DYNC2H1: variants seen among roughly 807,000 people sequenced by gnomAD.
DYNC2H1 encodes cytoplasmic dynein 2 heavy chain 1.
In DYNC2H1, 410 loss-of-function variants were observed where a neutral mutation model predicts 570.0. That is an observed-to-expected ratio of 0.72 (90% confidence interval 0.66 to 0.78). The LOEUF is 0.78. Among genes scored for constraint, DYNC2H1 ranks in the 30% least tolerant of loss-of-function variants. The probability of loss-of-function intolerance (pLI) is 0.00; values close to 1 mark genes in which losing one functional copy is unlikely to be tolerated. For synonymous variants in DYNC2H1, 1,688 were observed against 1,677.6 expected, an observed-to-expected ratio of 1.01 and a Z score of -0.15; for missense variants, 4,865 against 5,046.4, an observed-to-expected ratio of 0.96 and a Z score of 1.09.
intron 87 of DYNC2H1, among the ~76,000 whole-genome samples, chr11:103,460,572 T>TG (rs35587557): frequency 0.16 from 24,507 of 151,420 alleles, 2,161 homozygotes; most frequent in Admixed American, 0.24. Context: ...AAGCAATTAA[T>TG]GGGGCAGTCT....
chr11:103,247,542 C>T (rs1864664819), intron 65 of DYNC2H1, among the ~76,000 whole-genome samples: 1 of 152,068 alleles, frequency 6.6e-6, no homozygotes, highest in Non-Finnish European at 1.5e-5. Flanking sequence ...TGTCAGGAGA[C>T]ATTTTTGGTT....
chr11:103,398,308 T>C (rs1482492733), intron 83 of DYNC2H1, among the ~76,000 whole-genome samples: 2 of 152,266 alleles, frequency 1.3e-5, no homozygotes, highest in Admixed American at 6.5e-5. Flanking sequence ...TTAGACATTT[T>C]CCCCCTCTGG....
At chr11:103,417,619 C>A (rs960688003) in intron 84 of DYNC2H1, among the ~76,000 whole-genome samples, 3 of 150,136 alleles carry the variant, frequency 2.0e-5, no homozygotes, top group African/African-American at 4.9e-5. Flanking sequence ...TGGTTCACGC[C>A]TGTAATCCCA....
rs1334147813 is a variant in DYNC2H1 at position 103,181,790 on chromosome 11, A to G, written c.6381A>G (p.Lys2127=). ...AGACAGATCTTAATTCTCTGATAAA[A>G]TCTTGGTTGAGGAATCAGCCTGCTG... ...DEETDLNSLI[K]SWLRNQPAEY... is the part of the protein sequence containing the mutation. The change falls in exon 40 of 89, where the codon AAA becomes AAG. Residue 2127 remains lysine, a synonymous_variant. Coordinates refer to ENST00000375735, the MANE Select transcript of DYNC2H1 (RefSeq NM_001377.3). The surrounding 1 kb of genome is among the most constrained non-coding windows in gnomAD (Gnocchi z 5.0). 1 of 1,573,148 alleles carries G rather than the reference A, an allele frequency of 6.4e-7. No individual in the cohort carries two copies. The highest frequency in any genetic ancestry group is 8.6e-7 in the Non-Finnish European group (1 of 1,157,180).
At chr11:103,391,106 C>G (rs1271130733) in intron 83 of DYNC2H1, among the ~76,000 whole-genome samples, 1 of 152,192 alleles carries the variant, frequency 6.6e-6, no homozygotes. Context: ...CAACTTGGTT[C>G]CATTCTTCCC....
chr11:103,376,771 C>G (rs943365597), intron 83 of DYNC2H1, among the ~76,000 whole-genome samples: 2 of 100,680 alleles, frequency 2.0e-5, no homozygotes, highest in African/African-American at 8.1e-5. Context: ...TTAACATCTA[C>G]TGGTGGGTTT....
At chr11:103,410,310 G>T (rs1442384008) in intron 84 of DYNC2H1, among the ~76,000 whole-genome samples, 1 of 152,024 alleles carries the variant, frequency 6.6e-6, no homozygotes, top group Non-Finnish European at 1.5e-5. Flanking sequence ...ATTTCATAAA[G>T]GTTGTCGTGA....
chr11:103,294,191 A>G (rs185591643), intron 75 of DYNC2H1, among the ~76,000 whole-genome samples: 1 of 152,300 alleles, frequency 6.6e-6, no homozygotes, highest in Admixed American at 6.5e-5. Flanking sequence ...TATCTCTGTT[A>G]CTTCAAGATT....
At position 103,360,560 on chromosome 11, in the gene DYNC2H1, T is replaced by C. The variant is rs1343450074; in HGVS notation, c.12156+2201T>C. 3.3e-5 allele frequency among the ~76,000 whole-genome samples: 5 copies of C among 152,278 alleles called. No individual in the cohort carries two copies. The East Asian group carries it at 9.6e-4, about 29-fold the overall frequency. ...ACATTTATCAAAGGTACTTTTATTATGAATGGTCATTTATAATATATGATC... is the reference window on the plus strand; with the variant it reads ...ACATTTATCAAAGGTACTTTTATTACGAATGGTCATTTATAATATATGATC... On this transcript the variant is annotated intron_variant, in intron 83 of 88. Coordinates refer to ENST00000375735, the MANE Select transcript of DYNC2H1 (RefSeq NM_001377.3).
chr11:103,340,326 A>G (rs1029476872), intron 82 of DYNC2H1, among the ~76,000 whole-genome samples: 2 of 152,204 alleles, frequency 1.3e-5, no homozygotes, highest in African/African-American at 2.4e-5. Context: ...GGAAGCCTGA[A>G]TGATAGATAA....
chr11:103,178,417 A>C (rs904569202), intron 38 of DYNC2H1, among the ~76,000 whole-genome samples: 11 of 152,076 alleles, frequency 7.2e-5, no homozygotes, highest in African/African-American at 2.7e-4. Flanking sequence ...TTTCTATATA[A>C]TACCACATTA....
chr11:103,250,500 C>G (rs754175629), intron 65 of DYNC2H1, among the ~76,000 whole-genome samples: 1 of 152,072 alleles, frequency 6.6e-6, no homozygotes, highest in African/African-American at 2.4e-5. Context: ...TGCGATCCCC[C>G]CTCACTTTTG....
At chr11:103,338,061 G>C (rs573013256) in intron 82 of DYNC2H1, among the ~76,000 whole-genome samples, 1 of 152,284 alleles carries the variant, frequency 6.6e-6, no homozygotes, top group African/African-American at 2.4e-5. Context: ...TATGTTGAGA[G>C]ACAGCTGTCT....
At chr11:103,137,659 G>A (rs1290370704) in intron 17 of DYNC2H1, among the ~76,000 whole-genome samples, 68 of 152,020 alleles carry the variant, frequency 4.5e-4, no homozygotes, top group Non-Finnish European at 2.5e-4. Context: ...GTCAGGTAGC[G>A]TGATGCCTCC....
chr11:103,255,685 G>A (rs1471172990), intron 67 of DYNC2H1, among the ~76,000 whole-genome samples, 151 bp downstream of exon 67: 1 of 151,698 alleles, frequency 6.6e-6, no homozygotes, highest in East Asian at 1.9e-4. Flanking sequence ...CTAACAAGAA[G>A]GGGAGCTATG....
At position 103,209,958 on chromosome 11, in the gene DYNC2H1, C is replaced by CAGGT. The variant is rs1863084757; in HGVS notation, c.8539+1_8539+4dup. The stretch of plus-strand genomic sequence containing the variant: ...CGAAAAGAAGAAAAGAAAAAAAATT[C>CAGGT]AGGTAGTATTTTGATAAAATCAGTT... On this transcript the variant is annotated frameshift_variant and splice_region_variant, in exon 53 of 89. Transcript: ENST00000375735. LOFTEE classifies it high-confidence loss of function. The surrounding 1 kb of genome is among the most constrained non-coding windows in gnomAD (Gnocchi z 4.2). The CAGGT allele has an allele frequency of 2.7e-6, 4 of 1,484,114 alleles. No individual in the cohort carries two copies. Among genetic ancestry groups the CAGGT allele is most frequent in the Non-Finnish European group, 3.6e-6 (4 of 1,115,868 alleles). 91.9% of individuals were successfully genotyped at this position (1,484,114 alleles called of 1,614,324 possible). A position where few individuals can be genotyped will look rare whatever the true frequency, so the allele number is the denominator to read the frequency against.
In DYNC2H1 at chr11:103,204,990, T is replaced by A; in HGVS notation, c.8454+26T>A. 1.3e-6 allele frequency: 2 copies of A among 1,535,220 alleles called. No homozygotes were observed. Among genetic ancestry groups the A allele is most frequent in the Non-Finnish European group, 1.8e-6 (2 of 1,140,912 alleles). On this transcript the variant is annotated intron_variant, in intron 52 of 88. Transcript: ENST00000375735. This position sits in a 1 kb window ranked among gnomAD's most constrained non-coding sequence, Gnocchi z 4.1. ...GTAAGTTTAACAAATATTAAAAAAT[T>A]TAAAAGCACATTTTATTTTTGAAGT...
intron 84 of DYNC2H1, among the ~76,000 whole-genome samples, chr11:103,430,612 T>C (rs1444281224): frequency 1.3e-5 from 2 of 152,180 alleles, no homozygotes; most frequent in Non-Finnish European, 2.9e-5. Context: ...AGTTTTACCA[T>C]TGTTTTCCAG....
At chr11:103,136,046 C>T in intron 17 of DYNC2H1, 98 bp downstream of exon 17, 1 of 1,020,224 alleles carries the variant, frequency 9.8e-7, no homozygotes. Context: ...CCTTGTGTGG[C>T]ATAACATTAA....
Sources: allele counts gnomAD v4.1 joint callset (sites outside exome capture counted in the v4.1 genomes callset), GRCh38; gene constraint gnomAD v4.1.1; non-coding constraint Gnocchi (gnomAD v3.1); transcripts MANE v1.5; gene names NCBI Gene and HGNC (gene_info 2026-07-23, HGNC 2026-07-21).